Variants in NPR3 observed in about 807,000 individuals in gnomAD.
The protein encoded by NPR3 is atrial natriuretic peptide receptor 3.
A neutral mutation model predicts 54.5 loss-of-function variants in NPR3; 34 were observed. The observed-to-expected ratio is 0.62, with a 90% CI of 0.47 to 0.83. NPR3 has a LOEUF of 0.83. NPR3 is among the 40% of genes least tolerant of loss of function. The pLI, the probability that NPR3 is intolerant of heterozygous loss-of-function variation, is 0.00. For synonymous variants in NPR3, 289 were observed against 297.1 expected (o/e 0.97, Z 0.28); for missense variants, 674 against 720.8 (o/e 0.94, Z 0.74).
At chr5:32,778,589 AG>A (rs1742186955) in intron 4 of NPR3, among the ~76,000 whole-genome samples, 1 of 152,202 alleles carries the variant, frequency 6.6e-6, no homozygotes, top group East Asian at 1.9e-4. Context: ...CAAGGTAAAT[AG>A]GACTGTGGCT....
At chr5:32,726,227 TC>T (rs952187950) in intron 2 of NPR3, among the ~76,000 whole-genome samples, 3 of 152,140 alleles carry the variant, frequency 2.0e-5, no homozygotes, top group African/African-American at 7.2e-5. Context: ...TAAAACATAC[TC>T]CCCGGTTTCC....
At chr5:32,735,739 T>C (rs1739704290) in intron 2 of NPR3, among the ~76,000 whole-genome samples, 1 of 152,178 alleles carries the variant, frequency 6.6e-6, no homozygotes, top group Non-Finnish European at 1.5e-5. Context: ...TTGTCCCCAC[T>C]GATGGGGCGT....
upstream of NPR3, among the ~76,000 whole-genome samples, chr5:32,708,248 TA>T (rs1329925618): frequency 6.6e-6 from 1 of 152,188 alleles, no homozygotes; most frequent in East Asian, 1.9e-4. Context: ...TTTTGAATGT[TA>T]AAAAAATACT....
chr5:32,706,902 T>C (rs75352644), upstream of NPR3, among the ~76,000 whole-genome samples: 116 of 152,352 alleles, frequency 7.6e-4, 1 homozygote, highest in East Asian at 0.017. Context: ...TTGAACTTGA[T>C]GAATCTTTTG....
intron 2 of NPR3, 34 bp from the exon 3 acceptor site, chr5:32,738,830 C>A: frequency 6.3e-7 from 1 of 1,597,216 alleles, no homozygotes; most frequent in South Asian, 1.1e-5. Flanking sequence ...TGGTGGCTGG[C>A]TTGGAATTAT....
At chr5:32,784,741 G>A (rs1742518855) in intron 6 of NPR3, 55 bp from the exon 7 acceptor site, 5 of 1,358,796 alleles carry the variant, frequency 3.7e-6, no homozygotes, top group South Asian at 3.5e-5. Flanking sequence ...GAAACTCGAG[G>A]CATTTCTAAC....
At chr5:32,763,647 T>C (rs1320248091) in intron 3 of NPR3, among the ~76,000 whole-genome samples, 1 of 152,018 alleles carries the variant, frequency 6.6e-6, no homozygotes, top group Non-Finnish European at 1.5e-5. Context: ...TCTCTAAACA[T>C]ATTTATAATA....
At chr5:32,765,298 C>T (rs1741393530) in intron 3 of NPR3, among the ~76,000 whole-genome samples, 1 of 152,208 alleles carries the variant, frequency 6.6e-6, no homozygotes, top group Non-Finnish European at 1.5e-5. Context: ...CTAAAATAGA[C>T]ATATAATCAA....
chr5:32,769,850 A>G (rs575280490), intron 3 of NPR3, among the ~76,000 whole-genome samples: 20 of 152,224 alleles, frequency 1.3e-4, no homozygotes, highest in Admixed American at 2.0e-4. Context: ...TGTTTGGAAC[A>G]CAGGCATTGA....
chr5:32,779,461 A>G (rs951051726), intron 4 of NPR3, among the ~76,000 whole-genome samples: 7 of 152,206 alleles, frequency 4.6e-5, no homozygotes, highest in African/African-American at 1.7e-4. Context: ...GCAAGTGGAT[A>G]CCCAAGGCCC....
rs1335185206 is a variant in NPR3, at chr5:32,751,201, T to C, written c.1059+12171T>C. ...TGTGTCCTGGCAGGTTATTTGTAGT[T>C]TATCACAGCATAATGTAGCAATTTT... On this transcript the variant is annotated intron_variant, in intron 3 of 7. Transcript: ENST00000265074. 2.6e-5 allele frequency among the ~76,000 whole-genome samples: 4 copies of C among 152,224 alleles called. No individual in the cohort carries two copies. In the East Asian group the frequency reaches 7.7e-4, roughly 29 times the overall value.
Position 32,743,346 on chromosome 5 carries a change from T to C in NPR3, c.1059+4316T>C, listed in dbSNP as rs1740129582. 3.3e-5 allele frequency among the ~76,000 whole-genome samples: 5 copies of C among 152,152 alleles called. No individual in the cohort carries two copies. The South Asian group carries it at 1.0e-3, about 31-fold the overall frequency. On this transcript the variant is annotated intron_variant, in intron 3 of 7. Coordinates refer to ENST00000265074, the MANE Select transcript of NPR3 (RefSeq NM_001204375.2). ...AACTAGGATATTGACACGGATGCAA[T>C]GCAGTCATTATGCTCAGATTTCCCA...
At position 32,751,544 on chromosome 5, in the gene NPR3, C is replaced by T. The variant is rs1033540759; in HGVS notation, c.1059+12514C>T. Among the ~76,000 whole-genome samples the T allele has an allele frequency of 3.3e-5, 5 of 152,238 alleles. No individual in the cohort carries two copies. The East Asian group carries it at 9.7e-4, about 29-fold the overall frequency. ...TTCTGAGCAGGGGGTGATTTTATAA[C>T]CTTGGATATTTGCTCGTTTGAGGTT... is the stretch of plus-strand genomic sequence containing the variant. On this transcript the variant is annotated intron_variant, in intron 3 of 7. Transcript: ENST00000265074.
intron 3 of NPR3, among the ~76,000 whole-genome samples, chr5:32,758,780 T>C (rs1239453468): frequency 6.6e-6 from 1 of 152,236 alleles, no homozygotes; most frequent in African/African-American, 2.4e-5. Flanking sequence ...TTTAAATGTG[T>C]CCCAAAGATT....
chr5:32,766,009 G>A (rs990366873), intron 3 of NPR3, among the ~76,000 whole-genome samples: 1 of 152,172 alleles, frequency 6.6e-6, no homozygotes, highest in Non-Finnish European at 1.5e-5. Context: ...ACTGCCTGTG[G>A]CATCTGGTCT....
At chr5:32,783,927 T>C (rs901578383) in intron 6 of NPR3, among the ~76,000 whole-genome samples, 1 of 152,206 alleles carries the variant, frequency 6.6e-6, no homozygotes, top group Admixed American at 6.5e-5. Flanking sequence ...CGTACTAAAC[T>C]CTAGATACAA....
intron 3 of NPR3, among the ~76,000 whole-genome samples, chr5:32,769,292 T>A (rs553262295): frequency 1.5e-4 from 23 of 152,358 alleles, no homozygotes; most frequent in Middle Eastern, 3.4e-3. Flanking sequence ...GTTCATCAAA[T>A]GCAGAATGTC....
chr5:32,704,817 A>G (rs565910025), upstream of NPR3, among the ~76,000 whole-genome samples: 5 of 152,376 alleles, frequency 3.3e-5, no homozygotes, highest in African/African-American at 9.6e-5. Context: ...CCAGGGCAGG[A>G]AAGTTTTCTA....
intron 2 of NPR3, among the ~76,000 whole-genome samples, chr5:32,736,066 A>G (rs1047541718): frequency 1.1e-4 from 16 of 151,940 alleles, no homozygotes; most frequent in African/African-American, 3.6e-4. Context: ...CCCTGTCCCT[A>G]CTAAAAATAC....
Sources: gnomAD v4.1 joint callset for allele counts (sites outside exome capture counted in the v4.1 genomes callset) on GRCh38, gnomAD v4.1.1 for gene constraint, MANE v1.5 for transcripts, NCBI Gene and HGNC (gene_info 2026-07-23, HGNC 2026-07-21) for gene names.